Variants in LINGO2 observed in about 807,000 individuals in gnomAD.
LINGO2 encodes leucine rich repeat and Ig domain containing 2.
A neutral mutation model predicts 30.6 loss-of-function variants in LINGO2; 14 were observed. That is an observed-to-expected ratio of 0.46 (90% confidence interval 0.30 to 0.72). The LOEUF is 0.72. LINGO2 is among the 30% of genes least tolerant of loss of function. LINGO2 has a pLI of 0.07. For missense variants in LINGO2, 729 were observed against 751.7 expected (o/e 0.97, Z 0.35); for synonymous variants, 317 against 288.5 (o/e 1.10, Z -1.00).
chr9:28,210,822 C>T (rs1317670959), intron 4 of LINGO2, among the ~76,000 whole-genome samples: 1 of 150,804 alleles, frequency 6.6e-6, no homozygotes. Flanking sequence ...CATGAGATTT[C>T]TATCTGGTTA....
At chr9:28,906,828 G>T in the LINGO2 span, among the ~76,000 whole-genome samples, 225 of 151,660 alleles carry the variant, frequency 1.5e-3, no homozygotes, top group African/African-American at 5.0e-3. Context: ...ATACACAAAA[G>T]GCAAAACAAT....
At chr9:29,061,580 G>C in the LINGO2 span, among the ~76,000 whole-genome samples, 43 of 151,988 alleles carry the variant, frequency 2.8e-4, no homozygotes, top group African/African-American at 9.6e-4. Flanking sequence ...CTATTCAATG[G>C]GGAGAAGACA....
chr9:29,095,322 G>T, the LINGO2 span, among the ~76,000 whole-genome samples: 4 of 138,340 alleles, frequency 2.9e-5, 1 homozygote, highest in African/African-American at 1.1e-4. Flanking sequence ...TAGCTAACAA[G>T]ATTTCTCAAA....
At chr9:28,107,905 C>T (rs1219315824) in intron 4 of LINGO2, among the ~76,000 whole-genome samples, 1 of 152,082 alleles carries the variant, frequency 6.6e-6, no homozygotes. Flanking sequence ...TGTATCCCTT[C>T]TAAGAAAAAG....
chr9:28,827,250 A>C, the LINGO2 span, among the ~76,000 whole-genome samples: 1 of 152,272 alleles, frequency 6.6e-6, no homozygotes, highest in African/African-American at 2.4e-5. Context: ...TCCAATATTC[A>C]TGGTAACTAG....
At chr9:29,037,571 T>C in the LINGO2 span, among the ~76,000 whole-genome samples, 2 of 152,028 alleles carry the variant, frequency 1.3e-5, no homozygotes, top group African/African-American at 4.8e-5. Flanking sequence ...CTATTTTACA[T>C]ATGCTTCCAC....
intron 3 of LINGO2, among the ~76,000 whole-genome samples, chr9:28,354,089 G>A (rs10757732): frequency 1 from 151,794 of 152,152 alleles, 75,718 homozygotes; most frequent in Non-Finnish European, 1. Context: ...CCAGCATGGC[G>A]CATGTATACA....
At chr9:29,081,558 C>T in the LINGO2 span, among the ~76,000 whole-genome samples, 1 of 152,052 alleles carries the variant, frequency 6.6e-6, no homozygotes, top group African/African-American at 2.4e-5. Context: ...TCCTATTCAA[C>T]ATAGTGTTGG....
the LINGO2 span, among the ~76,000 whole-genome samples, chr9:29,206,472 G>T: frequency 6.6e-6 from 1 of 151,964 alleles, no homozygotes; most frequent in African/African-American, 2.4e-5. Context: ...TCTTACTATT[G>T]TGTTATTTTG....
At chr9:28,154,764 T>C (rs544333550) in intron 4 of LINGO2, among the ~76,000 whole-genome samples, 14 of 152,328 alleles carry the variant, frequency 9.2e-5, no homozygotes, top group Middle Eastern at 3.4e-3. Flanking sequence ...ATCATCCTAG[T>C]AATGCCCTAA....
intron 2 of LINGO2, among the ~76,000 whole-genome samples, chr9:28,401,958 C>A (rs916890769): frequency 1.3e-5 from 2 of 152,004 alleles, no homozygotes; most frequent in Admixed American, 1.3e-4. Flanking sequence ...CTGTTCATAT[C>A]ATTTGCCTAC....
intron 2 of LINGO2, among the ~76,000 whole-genome samples, chr9:28,418,275 CTTTT>C (rs3064826): frequency 2.8e-5 from 3 of 106,758 alleles, no homozygotes; most frequent in African/African-American, 3.7e-5. Flanking sequence ...AGGCCATGTA[CTTTT>C]TTTTTTTTTT....
At chr9:29,071,501 A>G in the LINGO2 span, among the ~76,000 whole-genome samples, 2 of 119,234 alleles carry the variant, frequency 1.7e-5, no homozygotes, top group Admixed American at 9.0e-5. Flanking sequence ...ATATATATAT[A>G]TATATATATA....
Position 28,589,764 on chromosome 9 carries a change from C to A in LINGO2, c.-365+80436G>T, listed in dbSNP as rs552366664. Among the ~76,000 whole-genome samples, 4 of 152,026 alleles carry A rather than the reference C, an allele frequency of 2.6e-5. No individual in the cohort carries two copies. In the East Asian group the frequency reaches 7.7e-4, roughly 29 times the overall value. ...TAGATTCAATGCCATCCCCATCAAG[C>A]TACCAATGACTTTCTTCACAGAATT... On this transcript the variant is annotated intron_variant, in intron 1 of 5. Coordinates refer to ENST00000379992, the Ensembl canonical transcript of LINGO2.
At chr9:28,609,367 A>G (rs1321615040) in intron 1 of LINGO2, among the ~76,000 whole-genome samples, 1 of 151,960 alleles carries the variant, frequency 6.6e-6, no homozygotes, top group African/African-American at 2.4e-5. Flanking sequence ...TTTTCAGCTC[A>G]GCAATAAGTC....
the LINGO2 span, among the ~76,000 whole-genome samples, chr9:28,797,778 T>G: frequency 6.6e-6 from 1 of 151,924 alleles, no homozygotes; most frequent in Admixed American, 6.6e-5. Flanking sequence ...TGATGATAAT[T>G]GAGAATGCAA....
chr9:28,105,817 G>A (rs1826572903), intron 4 of LINGO2, among the ~76,000 whole-genome samples: 1 of 152,086 alleles, frequency 6.6e-6, no homozygotes, highest in Admixed American at 6.6e-5. Flanking sequence ...AAGCCAGGAG[G>A]AGAGCCCTCA....
chr9:29,155,063 A>G, the LINGO2 span, among the ~76,000 whole-genome samples: 1 of 152,248 alleles, frequency 6.6e-6, no homozygotes, highest in Non-Finnish European at 1.5e-5. Flanking sequence ...GACAATACAC[A>G]TAAAGCATTT....
chr9:28,907,189 C>T, the LINGO2 span, among the ~76,000 whole-genome samples: 1 of 151,724 alleles, frequency 6.6e-6, no homozygotes, highest in Admixed American at 6.6e-5. Context: ...GATTAAATGT[C>T]CACATGAGTT....
Sources: gnomAD v4.1 joint callset for allele counts (sites outside exome capture counted in the v4.1 genomes callset) on GRCh38, gnomAD v4.1.1 for gene constraint, MANE v1.5 for transcripts, NCBI Gene and HGNC (gene_info 2026-07-23, HGNC 2026-07-21) for gene names.